The following SH2B1 variants were observed in gnomAD, a reference collection of about 807,000 sequenced individuals.
SH2B1 encodes the protein SH2B adaptor protein 1.
In SH2B1, 15 loss-of-function variants were observed where a neutral mutation model predicts 62.6. That is an observed-to-expected ratio of 0.24 (90% CI 0.16 to 0.37). The LOEUF is 0.37. Ranked by LOEUF, SH2B1 falls within the 10% of genes least tolerant of loss-of-function variation. The probability of loss-of-function intolerance (pLI) is 1.00; values close to 1 mark genes in which losing one functional copy is unlikely to be tolerated. For missense variants in SH2B1, 925 were observed against 1,015.6 expected (o/e 0.91, Z 1.21); for synonymous variants, 443 against 438.0 (o/e 1.01, Z -0.14).
intron 2 of SH2B1, 106 bp from the exon 3 acceptor site, chr16:28,868,900 G>T: frequency 2.3e-6 from 2 of 875,678 alleles, no homozygotes; most frequent in South Asian, 1.4e-5. Context: ...GAGAGAATTC[G>T]AATGCATCTT....
chr16:28,865,458 C>T lies in SH2B1; in HGVS notation c.-637C>T. On this transcript the variant is annotated 5_prime_UTR_variant, in exon 1 of 8. Transcript: ENST00000684370. The stretch of plus-strand genomic sequence containing the variant: ...GTCTAGAATCCCAGCTCCTCTCTAG[C>T]CCCCTGCGAGCTGGGGCGGTGAGGT... The T allele has an allele frequency of 1.0e-6, 1 of 985,564 alleles. No individual in the cohort carries two copies. Among genetic ancestry groups the T allele is most frequent in the Non-Finnish European group, 1.2e-6 (1 of 829,960 alleles). The allele number at this position is 985,564 out of a possible 1,614,324, so 61.1% of individuals were successfully genotyped here.
chr16:28,872,725 A>G lies in SH2B1; in HGVS notation c.1897+20A>G. The G allele has an allele frequency of 6.2e-7, 1 of 1,613,826 alleles. No homozygotes were observed. Among genetic ancestry groups the G allele is most frequent in the African/African-American group, 1.3e-5 (1 of 75,016 alleles). On this transcript the variant is annotated intron_variant, in intron 7 of 7. Coordinates refer to ENST00000684370, the MANE Select transcript of SH2B1 (RefSeq NM_001387430.1). The surrounding 1 kb of genome is among the most constrained non-coding windows in gnomAD (Gnocchi z 5.3). ...AGCAGGGTGAGCAGAGCAGGTCTGC[A>G]GGGGAGGAGGTGCCCGTGCACCCAA...
intron 1 of SH2B1, among the ~76,000 whole-genome samples, chr16:28,847,233 C>T (rs1303554293): frequency 6.6e-6 from 1 of 152,088 alleles, no homozygotes; most frequent in Non-Finnish European, 1.5e-5. Flanking sequence ...TCGGTGTCCC[C>T]AGCACCTAAC....
rs1567467874 is a variant in SH2B1, at chr16:28,866,901, C to T, written c.807C>T (p.Gly269=). The stretch of plus-strand genomic sequence containing the variant: ...CAGCCCCTGACCCAGCCGGAGTGGG[C>T]CGGGGAGGAGGGGTGGCTGGGCCTC... ...EEAAPDPAGV[G]RGGGVAGPPS... is the part of the protein sequence containing the mutation. The change falls in exon 1 of 8, where the codon GGC becomes GGT. Residue 269 remains glycine, a synonymous_variant. Transcript: ENST00000684370. This position sits in a 1 kb window ranked among gnomAD's most constrained non-coding sequence, Gnocchi z 6.3. The T allele has an allele frequency of 1.2e-6, 2 of 1,611,646 alleles. No homozygotes were observed. The highest frequency in any genetic ancestry group is 1.7e-6 in the Non-Finnish European group (2 of 1,179,422).
chr16:28,866,376 C>T lies in SH2B1; in HGVS notation c.282C>T (p.Pro94=). ...CCCTGTCGCCACCCATCCTGGCTCCCCTGAGCCCTGGTGCGGAGATTTCGC... is the reference window on the plus strand; with the variant it reads ...CCCTGTCGCCACCCATCCTGGCTCCTCTGAGCCCTGGTGCGGAGATTTCGC... The part of the protein sequence containing the change: ...SGSLSPPILA[P]LSPGAEISPH... The change falls in exon 1 of 8, where the codon CCC becomes CCT. Residue 94 remains proline, a synonymous_variant. Transcript: ENST00000684370. This position sits in a 1 kb window ranked among gnomAD's most constrained non-coding sequence, Gnocchi z 6.3. The T allele has an allele frequency of 1.9e-6, 3 of 1,613,588 alleles. No individual in the cohort carries two copies. The highest frequency in any genetic ancestry group is 2.5e-6 in the Non-Finnish European group (3 of 1,180,008).
intron 4 of SH2B1, among the ~76,000 whole-genome samples, chr16:28,870,067 G>C (rs1475336709): frequency 1.3e-5 from 2 of 152,216 alleles, no homozygotes; most frequent in African/African-American, 4.8e-5. Flanking sequence ...GGAAGACAGG[G>C]GCTGCGCCAC....
intron 1 of SH2B1, among the ~76,000 whole-genome samples, chr16:28,852,393 TAC>T (rs1381152991): frequency 1.3e-5 from 1 of 77,892 alleles, no homozygotes; most frequent in South Asian, 5.8e-4. Context: ...TTTATATATA[TAC>T]ATATATATTT....
Position 28,852,761 on chromosome 16 carries a change from T to TATTTAC in SH2B1, c.-301+5936_-301+5937insTTACAT, listed in dbSNP as rs1173142186. ...ATATATATATTTACATATATATGTA[T>TATTTAC]ATATATATTTATATATATATTTACA... On this transcript the variant is annotated intron_variant, in intron 1 of 10. Coordinates refer to the SH2B1 transcript ENST00000322610. 6.7e-5 allele frequency among the ~76,000 whole-genome samples: 2 copies of TATTTAC among 29,910 alleles called. 1 individual carries two copies. The highest frequency in any genetic ancestry group is 3.7e-4 in the African/African-American group (2 of 5,392). 19.6% of individuals were successfully genotyped at this position (29,910 alleles called of 152,430 possible).
intron 1 of SH2B1, among the ~76,000 whole-genome samples, chr16:28,852,809 CATATATTTACATATA>C (rs1453536439): frequency 5.1e-5 from 2 of 39,494 alleles, no homozygotes; most frequent in Non-Finnish European, 9.5e-5. Context: ...TATATATTTA[CATATATTTACATATA>C]TATTTATATA....
rs368371748 is a variant in SH2B1 at position 28,872,602 on chromosome 16, C to T, written c.1794C>T (p.Phe598=). 14 of 1,614,066 alleles carry T rather than the reference C, an allele frequency of 8.7e-6. No homozygotes were observed. Among genetic ancestry groups the T allele is most frequent in the South Asian group, 3.3e-5 (3 of 91,088 alleles). Residue 598 remains phenylalanine, a synonymous_variant, in exon 7 of 8, where the codon TTC becomes TTT. Coordinates refer to ENST00000684370, the MANE Select transcript of SH2B1 (RefSeq NM_001387430.1). This position sits in a 1 kb window ranked among gnomAD's most constrained non-coding sequence, Gnocchi z 5.3. ...RVQHLWFQSI[F]DMLEHFRVHP... ...AGCACCTGTGGTTCCAGTCCATTTT[C>T]GATATGCTCGAGCACTTCCGGGTGC...
Position 28,869,282 on chromosome 16 carries a change from A to G in SH2B1, c.1208A>G (p.Asn403Ser). 1.2e-6 allele frequency: 2 copies of G among 1,614,094 alleles called. No homozygotes were observed. Among genetic ancestry groups the G allele is most frequent in the Non-Finnish European group, 8.5e-7 (1 of 1,180,012 alleles). Residue 403 changes from asparagine to serine, a missense_variant, in exon 4 of 8, where the codon AAC (asparagine) becomes AGC (serine). Coordinates refer to ENST00000684370, the MANE Select transcript of SH2B1 (RefSeq NM_001387430.1). ...GGGACCTCATTCCTTACAAGGGAGAACACAGACAGCCTGGAGCTGTCCTGC... is the reference window on the plus strand; with the variant it reads ...GGGACCTCATTCCTTACAAGGGAGAGCACAGACAGCCTGGAGCTGTCCTGC... ...APGTSFLTRENTDSLELSCLN... is the reference protein window; with the variant it reads ...APGTSFLTRESTDSLELSCLN...
At chr16:28,852,850 ATTTT>A (rs1221642962) in intron 1 of SH2B1, among the ~76,000 whole-genome samples, 1 of 42,410 alleles carries the variant, frequency 2.4e-5, no homozygotes, top group Non-Finnish European at 4.9e-5. Flanking sequence ...ACATATATAT[ATTTT>A]TATATATATT....
rs575071775 is a variant in SH2B1 at position 28,867,521 on chromosome 16, G to A, written c.1041+89G>A. 121 of 943,878 alleles carry A rather than the reference G, an allele frequency of 1.3e-4. No homozygotes were observed. In the African/African-American group the frequency reaches 1.9e-3, roughly 15 times the overall value. The allele number at this position is 943,878 out of a possible 1,614,324, so 58.5% of individuals were successfully genotyped here. ...TAAGCAAGTGGCGTCGCCGAAAGGA[G>A]GTATATATATGTGTCCAGTGCCTTG... On this transcript the variant is annotated intron_variant, in intron 2 of 7. Coordinates refer to ENST00000684370, the MANE Select transcript of SH2B1 (RefSeq NM_001387430.1).
Position 28,866,079 on chromosome 16 carries a change from C to T in SH2B1, c.-16C>T, listed in dbSNP as rs748548392. 20 of 1,522,132 alleles carry T rather than the reference C, an allele frequency of 1.3e-5. No homozygotes were observed. Among genetic ancestry groups the T allele is most frequent in the Admixed American group, 4.2e-5 (2 of 47,526 alleles). 94.3% of individuals were successfully genotyped at this position (1,522,132 alleles called of 1,614,324 possible). On this transcript the variant is annotated 5_prime_UTR_variant, in exon 1 of 8. Transcript: ENST00000684370. The surrounding 1 kb of genome is among the most constrained non-coding windows in gnomAD (Gnocchi z 6.3). Reference sequence around the variant, plus strand: ...GTGCCCCACAGGCTCCCCCTCTCCACCTCCTGGGGCCCATCATGAATGGTG... The same window carrying T: ...GTGCCCCACAGGCTCCCCCTCTCCATCTCCTGGGGCCCATCATGAATGGTG...
rs749020929 is a variant in SH2B1, at chr16:28,869,104, A to C, written c.1133+7A>C. On this transcript the variant is annotated splice_region_variant and intron_variant, in intron 3 of 7. Coordinates refer to ENST00000684370, the MANE Select transcript of SH2B1 (RefSeq NM_001387430.1). ...AAGAATGCCTGAGCCCAGGGTGAGA[A>C]GCCTGACTTCTGTCGCTAAGGGACA... is the stretch of plus-strand genomic sequence containing the variant. The C allele has an allele frequency of 6.2e-7, 1 of 1,614,050 alleles. No homozygotes were observed. The highest frequency in any genetic ancestry group is 1.3e-5 in the African/African-American group (1 of 75,020).
chr16:28,850,528 T>G (rs1357249669), intron 1 of SH2B1, among the ~76,000 whole-genome samples: 1 of 152,122 alleles, frequency 6.6e-6, no homozygotes, highest in African/African-American at 2.4e-5. Context: ...ATAGCACCAC[T>G]GCACTCCAGC....
upstream of SH2B1, chr16:28,863,387 C>T: frequency 2.8e-6 from 1 of 362,192 alleles, no homozygotes; most frequent in Non-Finnish European, 5.1e-6. Context: ...TCCCCAAGGT[C>T]ACCCGCTTCT....
chr16:28,861,856 A>T (rs1962453414), upstream of SH2B1: 1 of 152,240 alleles, frequency 6.6e-6, no homozygotes, highest in Non-Finnish European at 1.5e-5. Flanking sequence ...TTTCATTGGG[A>T]ATCTCAGAAA....
At chr16:28,859,641 G>A (rs12446589), upstream of SH2B1, among the ~76,000 whole-genome samples, 44,586 of 151,396 alleles carry the variant, frequency 0.29, 8,103 homozygotes, top group Non-Finnish European at 0.39. Context: ...CCAGGAGTTC[G>A]AAGCTGCAGT....
Sources: gnomAD v4.1 joint callset for allele counts (sites outside exome capture counted in the v4.1 genomes callset) on GRCh38, gnomAD v4.1.1 for gene constraint, Gnocchi (gnomAD v3.1) non-coding constraint, MANE v1.5 for transcripts, NCBI Gene and HGNC (gene_info 2026-07-23, HGNC 2026-07-21) for gene names.